DCN: variants seen among roughly 807,000 people sequenced by gnomAD.
DCN encodes the protein bone proteoglycan II.
A neutral mutation model predicts 36.5 loss-of-function variants in DCN; 17 were observed. The observed-to-expected ratio is 0.47, with a 90% CI of 0.32 to 0.70. DCN has a LOEUF of 0.70. DCN is among the 30% of genes least tolerant of loss of function. The pLI is 0.04. For missense variants in DCN, 389 were observed against 430.1 expected, an observed-to-expected ratio of 0.90 and a Z score of 0.84; for synonymous variants, 163 against 161.4, an observed-to-expected ratio of 1.01 and a Z score of -0.07.
intron 2 of DCN, among the ~76,000 whole-genome samples, chr12:91,165,195 C>T (rs1882473324): frequency 1.3e-5 from 2 of 152,142 alleles, no homozygotes; most frequent in Non-Finnish European, 2.9e-5. Flanking sequence ...CAGTTAAAAT[C>T]ATATAAACAT....
At chr12:91,153,612 CTTAA>C (rs1432951682) in intron 5 of DCN, among the ~76,000 whole-genome samples, 4 of 152,110 alleles carry the variant, frequency 2.6e-5, no homozygotes, top group African/African-American at 9.6e-5. Context: ...CATGTACAAA[CTTAA>C]TTGTCTATTT....
At chr12:91,159,046 A>T (rs909425138) in intron 3 of DCN, among the ~76,000 whole-genome samples, 2 of 152,092 alleles carry the variant, frequency 1.3e-5, no homozygotes, top group African/African-American at 2.4e-5. Context: ...ATATACATAA[A>T]CATACATGCA....
rs1451537786 is a variant in DCN at position 91,141,098 on chromosome 12, C to T, written c.*4960G>A. The T allele has an allele frequency of 1.3e-5, 2 of 152,184 alleles. No individual in the cohort carries two copies. The highest frequency in any genetic ancestry group is 4.8e-5 in the African/African-American group (2 of 41,426). The allele number at this position is 152,184 out of a possible 1,614,324, so 9.4% of individuals were successfully genotyped here. On this transcript the variant is annotated 3_prime_UTR_variant, in exon 8 of 8. Coordinates refer to ENST00000052754, the MANE Select transcript of DCN (RefSeq NM_001920.5). The stretch of plus-strand genomic sequence containing the variant: ...TATTCCTGTTACCTTACAGTCTATA[C>T]ACGCAAAGGGATCCTCTCAAAGACA...
intron 2 of DCN, chr12:91,177,239 A>G (rs1394645999): frequency 3.7e-6 from 1 of 267,654 alleles, no homozygotes; most frequent in Admixed American, 4.9e-5. Context: ...AGCTATTTCA[A>G]GTGTTTTTCA....
chr12:91,172,659 C>T, intron 2 of DCN: 1 of 623,706 alleles, frequency 1.6e-6, no homozygotes, highest in Non-Finnish European at 2.9e-6. Context: ...ACTTTTGTTT[C>T]TCAATCAGGC....
intron 4 of DCN, among the ~76,000 whole-genome samples, chr12:91,157,640 T>C (rs373359168): frequency 2.6e-4 from 40 of 152,250 alleles, no homozygotes; most frequent in Non-Finnish European, 4.3e-4. Flanking sequence ...GAAATTTTTT[T>C]TTTTTTGAGA....
At chr12:91,156,003 G>T (rs1032679610) in intron 5 of DCN, among the ~76,000 whole-genome samples, 22 of 152,230 alleles carry the variant, frequency 1.4e-4, no homozygotes, top group South Asian at 6.2e-4. Context: ...CAAGAACAAG[G>T]CATCTAAGTT....
At chr12:91,172,085 A>T (rs1477290105) in intron 2 of DCN, 1 of 146,424 alleles carries the variant, frequency 6.8e-6, no homozygotes, top group Non-Finnish European at 1.5e-5. Context: ...AAAGCAAATA[A>T]GATACTACTT....
At chr12:91,146,351 C>CTTTTTTTTTTTTTTTT (rs376886852) in intron 7 of DCN, 99 bp from the exon 8 acceptor site, 1 of 288,004 alleles carries the variant, frequency 3.5e-6, no homozygotes, top group African/African-American at 3.7e-5. Flanking sequence ...TAATCCTTCA[C>CTTTTTTTTTTTTTTTT]TTTTTTTTTT....
intron 3 of DCN, among the ~76,000 whole-genome samples, chr12:91,160,336 A>C (rs1346964127): frequency 6.6e-6 from 1 of 151,992 alleles, no homozygotes; most frequent in Non-Finnish European, 1.5e-5. Context: ...GTGTGATATA[A>C]TTAGATGTAT....
At chr12:91,178,305 A>C (rs1159207591) in intron 2 of DCN, 37 bp downstream of exon 2, 3 of 1,562,876 alleles carry the variant, frequency 1.9e-6, no homozygotes, top group Non-Finnish European at 2.6e-6. Flanking sequence ...AGAATAAAAC[A>C]AGTAAGGTAG....
chr12:91,157,920 G>T lies in DCN; in HGVS notation c.538+376C>A, dbSNP rs151187211. ...TGGGATTACAGGCATGAGCCACCGC[G>T]CCCAGCCATAACATATTTTTAAAGC... On this transcript the variant is annotated intron_variant, in intron 4 of 7. Transcript: ENST00000052754. Among the ~76,000 whole-genome samples, 151 of 152,082 alleles carry T rather than the reference G, an allele frequency of 9.9e-4. 1 individual carries two copies. Among genetic ancestry groups the T allele is most frequent in the African/African-American group, 2.9e-3 (121 of 41,508 alleles).
chr12:91,148,627 A>G (rs983994491), intron 7 of DCN, among the ~76,000 whole-genome samples: 7 of 146,748 alleles, frequency 4.8e-5, no homozygotes, highest in Admixed American at 1.4e-4. Context: ...GAGGCAGGAG[A>G]ATTTCTTGAA....
chr12:91,177,566 A>G, intron 2 of DCN: 1 of 702,286 alleles, frequency 1.4e-6, no homozygotes, highest in South Asian at 1.5e-5. Context: ...CTGAGCTTCA[A>G]TCTTTCTGGA....
intron 2 of DCN, among the ~76,000 whole-genome samples, chr12:91,166,164 G>A (rs1012204903): frequency 4.6e-5 from 7 of 152,008 alleles, no homozygotes; most frequent in Non-Finnish European, 1.0e-4. Flanking sequence ...TGGGGTTGCA[G>A]GTGGAATCTT....
rs150931474 is a variant in DCN at position 91,146,266 on chromosome 12, C to T, written c.886-14G>A. The T allele has an allele frequency of 6.6e-6, 10 of 1,514,086 alleles. No homozygotes were observed. The highest frequency in any genetic ancestry group is 4.2e-5 in the African/African-American group (3 of 72,244). 93.8% of individuals were successfully genotyped at this position (1,514,086 alleles called of 1,614,324 possible). A position where few individuals can be genotyped will look rare whatever the true frequency, so the allele number is the denominator to read the frequency against. On this transcript the variant is annotated splice_polypyrimidine_tract_variant and intron_variant, in intron 7 of 7. Transcript: ENST00000052754. Reference sequence around the variant, plus strand: ...AAGGTAGACAACCTACAACATGAAACGATAGAAAATAATTATTATTCTCTA... The same window carrying T: ...AAGGTAGACAACCTACAACATGAAATGATAGAAAATAATTATTATTCTCTA...
At chr12:91,161,041 G>A (rs1592691399) in intron 3 of DCN, among the ~76,000 whole-genome samples, 1 of 152,210 alleles carries the variant, frequency 6.6e-6, no homozygotes, top group Non-Finnish European at 1.5e-5. Flanking sequence ...AAATTATGAT[G>A]TTTATTTGCA....
At chr12:91,161,146 T>C (rs1312387784) in intron 3 of DCN, among the ~76,000 whole-genome samples, 2 of 152,176 alleles carry the variant, frequency 1.3e-5, no homozygotes, top group African/African-American at 4.8e-5. Flanking sequence ...ATGAACTCTC[T>C]TTATTCATCT....
intron 2 of DCN, among the ~76,000 whole-genome samples, chr12:91,165,026 C>G (rs1324913636): frequency 6.6e-6 from 1 of 152,112 alleles, no homozygotes; most frequent in Admixed American, 6.5e-5. Context: ...TGTTTTACCT[C>G]TTTGTTGTTG....
Sources: gnomAD v4.1 joint callset for allele counts (sites outside exome capture counted in the v4.1 genomes callset) on GRCh38, gnomAD v4.1.1 for gene constraint, MANE v1.5 for transcripts, NCBI Gene and HGNC (gene_info 2026-07-23, HGNC 2026-07-21) for gene names.